The following CNKSR2 variants were observed in gnomAD, a reference collection of about 807,000 sequenced individuals.
The protein encoded by CNKSR2 is CNK homolog protein 2.
CNKSR2 carries 14 observed loss-of-function variants against 84.4 expected under a neutral mutation model. That is an observed-to-expected ratio of 0.17 (90% CI 0.11 to 0.26). The LOEUF (loss-of-function observed/expected upper bound fraction) is 0.26, where lower values mean the gene tolerates loss of function less well. Ranked by LOEUF, CNKSR2 falls within the 10% of genes least tolerant of loss-of-function variation. The pLI is 1.00. For synonymous variants in CNKSR2, 275 were observed against 277.9 expected, an observed-to-expected ratio of 0.99 and a Z score of 0.10; for missense variants, 485 against 771.2, an observed-to-expected ratio of 0.63 and a Z score of 4.40.
At chrX:21,559,921 C>T (rs949994926) in intron 11 of CNKSR2, among the ~76,000 whole-genome samples, 2 of 111,724 alleles carry the variant, frequency 1.8e-5, no homozygotes, top group African/African-American at 3.2e-5. Flanking sequence ...ACAGACTAAA[C>T]TGTATCAGTG....
chrX:21,626,022 T>C (rs1324678887), intron 20 of CNKSR2, among the ~76,000 whole-genome samples: 1 of 111,621 alleles, frequency 9.0e-6, no homozygotes, highest in African/African-American at 3.3e-5. Flanking sequence ...ACAGAATCAA[T>C]AAATTCATCA....
At chrX:21,536,307 G>A (rs1172918524) in intron 11 of CNKSR2, among the ~76,000 whole-genome samples, 1 of 111,057 alleles carries the variant, frequency 9.0e-6, no homozygotes, top group Non-Finnish European at 1.9e-5. Context: ...GAGGGATATT[G>A]GTCTGTAGTT....
chrX:21,510,213 G>A (rs1376560703), intron 8 of CNKSR2, among the ~76,000 whole-genome samples: 1 of 111,597 alleles, frequency 9.0e-6, no homozygotes. Flanking sequence ...ATACACAGGA[G>A]TGTGTGTAAA....
chrX:21,531,513 C>T (rs768916978), intron 10 of CNKSR2, among the ~76,000 whole-genome samples: 2 of 111,058 alleles, frequency 1.8e-5, no homozygotes, highest in South Asian at 3.7e-4. Flanking sequence ...GTTAACATTA[C>T]TAACATTATA....
intron 5 of CNKSR2, among the ~76,000 whole-genome samples, chrX:21,471,200 C>A (rs2091193908): frequency 9.0e-6 from 1 of 111,722 alleles, no homozygotes. Flanking sequence ...TTAAAAAAAT[C>A]AAATTTCCTT....
chrX:21,511,912 T>C (rs2091675702), intron 8 of CNKSR2, among the ~76,000 whole-genome samples: 2 of 111,163 alleles, frequency 1.8e-5, no homozygotes, highest in African/African-American at 3.3e-5. Flanking sequence ...CCAAGGAATT[T>C]GGCTTAAACT....
At chrX:21,422,160 C>T (rs1178480077) in intron 1 of CNKSR2, 2 of 111,783 alleles carry the variant, frequency 1.8e-5, no homozygotes, top group Middle Eastern at 4.6e-3. Flanking sequence ...TCCCTGAAGG[C>T]TCACTGCATA....
At chrX:21,472,021 CG>C (rs2091203772) in intron 5 of CNKSR2, among the ~76,000 whole-genome samples, 1 of 111,749 alleles carries the variant, frequency 8.9e-6, no homozygotes, top group Admixed American at 9.5e-5. Context: ...TTCAACTATT[CG>C]GTTTGAACAC....
chrX:21,587,801 G>C (rs181377720), intron 13 of CNKSR2, among the ~76,000 whole-genome samples: 55 of 111,590 alleles, frequency 4.9e-4, no homozygotes, highest in Non-Finnish European at 9.0e-4. Context: ...GGATCTTTTT[G>C]AATGTGAGGC....
At chrX:21,533,127 C>G (rs1219713345) in intron 11 of CNKSR2, among the ~76,000 whole-genome samples, 5 of 110,955 alleles carry the variant, frequency 4.5e-5, no homozygotes, top group South Asian at 3.7e-4. Context: ...ATTCTCTGTA[C>G]ATGTGCTTTT....
At chrX:21,535,425 T>C (rs1051822560) in intron 11 of CNKSR2, among the ~76,000 whole-genome samples, 2 of 111,519 alleles carry the variant, frequency 1.8e-5, no homozygotes, top group African/African-American at 6.5e-5. Flanking sequence ...GTCATTGGTA[T>C]TTTGACAGGG....
chrX:21,566,407 T>C (rs948549619), intron 13 of CNKSR2, among the ~76,000 whole-genome samples: 5 of 112,182 alleles, frequency 4.5e-5, no homozygotes, highest in Non-Finnish European at 9.4e-5. Flanking sequence ...TATTTAAAAA[T>C]GAAAGGCTTT....
In CNKSR2 at chrX:21,489,449, CA is replaced by C. The variant is rs1034098919; in HGVS notation, c.562-1000del. On this transcript the variant is annotated intron_variant, in intron 5 of 21. Coordinates refer to ENST00000379510, the MANE Select transcript of CNKSR2 (RefSeq NM_014927.5). ...ATAATAGTTCCTCCTATAGTTAAAG[CA>C]AAAAAAAAAGTTTCAAATGATGAAA... is the stretch of plus-strand genomic sequence containing the variant. Among the ~76,000 whole-genome samples, 15 of 103,128 alleles carry C rather than the reference CA, an allele frequency of 1.5e-4. No homozygotes were observed. The South Asian group carries it at 2.1e-3, about 14-fold the overall frequency. 89.6% of individuals were successfully genotyped at this position (103,128 alleles called of 115,157 possible).
chrX:21,417,118 A>G (rs1293478725), intron 1 of CNKSR2, among the ~76,000 whole-genome samples: 3 of 111,282 alleles, frequency 2.7e-5, no homozygotes, highest in African/African-American at 6.5e-5. Context: ...TTGTGTTTTC[A>G]TTATCATTTG....
intron 11 of CNKSR2, among the ~76,000 whole-genome samples, chrX:21,547,433 T>C (rs1755099665): frequency 9.0e-6 from 1 of 111,355 alleles, no homozygotes; most frequent in African/African-American, 3.3e-5. Flanking sequence ...ATAAAGCAAG[T>C]CCTGAGTGAC....
chrX:21,434,319 G>A (rs1318126164), intron 3 of CNKSR2, among the ~76,000 whole-genome samples: 1 of 111,188 alleles, frequency 9.0e-6, no homozygotes, highest in Non-Finnish European at 1.9e-5. Flanking sequence ...TTATAAAATC[G>A]CACATTTCCC....
chrX:21,477,677 A>C (rs1955977070), intron 5 of CNKSR2, among the ~76,000 whole-genome samples: 1 of 111,724 alleles, frequency 9.0e-6, no homozygotes. Context: ...TAAAGGGCTC[A>C]TTTTAGTCTT....
rs1569131388 is a variant in CNKSR2, at chrX:21,374,626, CAG to C, written c.-271_-270del. 871 of 506,572 alleles carry C rather than the reference CAG, an allele frequency of 1.7e-3. 5 individuals carry two copies. The highest frequency in any genetic ancestry group is 4.8e-3 in the African/African-American group (203 of 42,610). 41.7% of individuals were successfully genotyped at this position (506,572 alleles called of 1,213,427 possible). A position where few individuals can be genotyped will look rare whatever the true frequency, so the allele number is the denominator to read the frequency against. On this transcript the variant is annotated 5_prime_UTR_variant, in exon 1 of 22. Transcript: ENST00000379510. ...GCAGCAGCAGCAGCAGCAGCAGCAG[CAG>C]CAGCCGCCGCCGCCGCCGCCTTAGC...
intron 3 of CNKSR2, among the ~76,000 whole-genome samples, chrX:21,438,805 A>T (rs935784668): frequency 1.6e-4 from 18 of 111,674 alleles, no homozygotes; most frequent in African/African-American, 5.5e-4. Flanking sequence ...TCATATATTA[A>T]CATATGTGAA....
Sources: gnomAD v4.1 joint callset for allele counts (sites outside exome capture counted in the v4.1 genomes callset) on GRCh38, gnomAD v4.1.1 for gene constraint, MANE v1.5 for transcripts, NCBI Gene and HGNC (gene_info 2026-07-23, HGNC 2026-07-21) for gene names.